The following GRAMD4 variants were observed in gnomAD, a reference collection of about 807,000 sequenced individuals.
GRAMD4 encodes the protein GRAM domain-containing protein 4.
Under a neutral mutation model 83.9 loss-of-function variants are expected in GRAMD4, and 25 were observed. The observed-to-expected ratio is 0.30, with a 90% confidence interval of 0.22 to 0.42. The LOEUF (loss-of-function observed/expected upper bound fraction) is 0.42. Among genes scored for constraint, GRAMD4 ranks in the 10% least tolerant of loss-of-function variants. GRAMD4 has a pLI of 1.00. For synonymous variants in GRAMD4, 336 were observed against 320.9 expected, an observed-to-expected ratio of 1.05 and a Z score of -0.50; for missense variants, 593 against 788.7, an observed-to-expected ratio of 0.75 and a Z score of 2.97.
intron 1 of GRAMD4, among the ~76,000 whole-genome samples, chr22:46,595,297 GA>G (rs2081251004): frequency 6.6e-6 from 1 of 152,212 alleles, no homozygotes; most frequent in Non-Finnish European, 1.5e-5. Flanking sequence ...GGACATGGGG[GA>G]GATTGGCCAC....
intron 1 of GRAMD4, among the ~76,000 whole-genome samples, chr22:46,578,522 T>C (rs1460789294): frequency 6.6e-6 from 1 of 152,132 alleles, no homozygotes; most frequent in Non-Finnish European, 1.5e-5. Context: ...GGGTTGGGGT[T>C]CAAAATGGGT....
chr22:46,680,564 GTCCATCCATCCA>G (rs1299438133), downstream of GRAMD4, among the ~76,000 whole-genome samples: 18 of 22,512 alleles, frequency 8.0e-4, 1 homozygote, highest in Middle Eastern at 0.02. Context: ...CCGTCCGTCC[GTCCATCCATCCA>G]TCCATCCATC....
At chr22:46,620,315 C>T (rs574144290), upstream of GRAMD4, 4,006 of 985,700 alleles carry the variant, frequency 4.1e-3, 13 homozygotes, top group Non-Finnish European at 4.4e-3. The surrounding 1 kb of genome is among the most constrained non-coding windows in gnomAD (Gnocchi z 4.7). Flanking sequence ...CCTGGCCGGG[C>T]GCCGCCCTGA....
chr22:46,660,363 G>A (rs1468695252), intron 4 of GRAMD4, among the ~76,000 whole-genome samples: 3 of 152,142 alleles, frequency 2.0e-5, no homozygotes, highest in African/African-American at 7.2e-5. Flanking sequence ...TGAAGGAAGA[G>A]CAGTCCCAGG....
upstream of GRAMD4, chr22:46,620,238 G>T: frequency 1.1e-6 from 1 of 878,002 alleles, no homozygotes; most frequent in Non-Finnish European, 1.4e-6. The surrounding 1 kb of genome is among the most constrained non-coding windows in gnomAD (Gnocchi z 4.7). Flanking sequence ...GGTTTCCAGA[G>T]CAGCATGCTT....
chr22:46,600,887 T>G (rs1161620600), intron 1 of GRAMD4, among the ~76,000 whole-genome samples: 1 of 152,238 alleles, frequency 6.6e-6, no homozygotes, highest in East Asian at 1.9e-4. Flanking sequence ...GGCTCATGCC[T>G]GTAATCCCAG....
At position 46,679,391 on chromosome 22, in the gene GRAMD4, G is replaced by A; in HGVS notation, c.*2140G>A. 1 of 985,462 alleles carries A rather than the reference G, an allele frequency of 1.0e-6. No homozygotes were observed. Among genetic ancestry groups the A allele is most frequent in the African/African-American group, 1.7e-5 (1 of 57,366 alleles). 61.0% of individuals were successfully genotyped at this position (985,462 alleles called of 1,614,324 possible). ...CCACATTCGGGGAGCGGGGGGTCGG[G>A]GGAGGGCCACCGACTGGCTCTGCTG... On this transcript the variant is annotated 3_prime_UTR_variant, in exon 19 of 19. Transcript: ENST00000406902.
intron 1 of GRAMD4, among the ~76,000 whole-genome samples, chr22:46,626,428 G>A (rs1430450459): frequency 6.6e-6 from 1 of 152,270 alleles, no homozygotes; most frequent in African/African-American, 2.4e-5. Context: ...TGGGAGCCGG[G>A]GGCCTCGCTT....
rs1220002157 is a variant in GRAMD4, at chr22:46,672,553, G to A, written c.1085-290G>A. 6.6e-6 allele frequency among the ~76,000 whole-genome samples: 1 copy of A among 151,720 alleles called. No homozygotes were observed. Among genetic ancestry groups the A allele is most frequent in the East Asian group, 1.9e-4 (1 of 5,164 alleles). On this transcript the variant is annotated intron_variant, in intron 13 of 18. Coordinates refer to ENST00000406902, the MANE Select transcript of GRAMD4 (RefSeq NM_015124.5). The surrounding 1 kb of genome is among the most constrained non-coding windows in gnomAD (Gnocchi z 4.7). ...GGCGGAGTTGGAGAGAGAAGTGAGGGGCATTGGATGGGGGGGTCCTAGCAG... is the reference window on the plus strand; with the variant it reads ...GGCGGAGTTGGAGAGAGAAGTGAGGAGCATTGGATGGGGGGGTCCTAGCAG...
intron 1 of GRAMD4, among the ~76,000 whole-genome samples, chr22:46,623,968 G>A (rs1265642054): frequency 1.3e-5 from 2 of 151,898 alleles, no homozygotes; most frequent in Non-Finnish European, 2.9e-5. Flanking sequence ...TTTAAGCAGA[G>A]ATGGAGGTTC....
rs1191400562 is a variant in GRAMD4, at chr22:46,637,914, G to C, written c.237G>C (p.Glu79Asp). The change falls in exon 3 of 19, where the codon GAG becomes GAC. Residue 79 changes from glutamate to aspartate, a missense_variant. Physicochemically the swap from Glu to Asp is conservative, Grantham distance 45. Around this residue, in one of 4 missense-constraint regions of GRAMD4, gnomAD observed 312 missense variants for 350.7 expected, o/e 0.89. Coordinates refer to ENST00000406902, the MANE Select transcript of GRAMD4 (RefSeq NM_015124.5). ...GGACAGAGTTTGATCGACTGAATGA[G>C]ATCAAAGGTCACCTGGAAATTGCCT... ...FNRTEFDRLN[E>D]IKGHLEIALL... 1.2e-6 allele frequency: 2 copies of C among 1,614,054 alleles called. No homozygotes were observed. The highest frequency in any genetic ancestry group is 3.3e-5 in the Admixed American group (2 of 60,028).
In GRAMD4 at chr22:46,604,548, T is replaced by A. The variant is rs983659511; in HGVS notation, c.-49-22203T>A. ...AACTCCGCACCCACAAAGCACTGAC[T>A]CTCCAGAGCCTCTCCCCACCCCCGA... On this transcript the variant is annotated intron_variant, in intron 1 of 1. Coordinates refer to the GRAMD4 transcript ENST00000431155. Among the ~76,000 whole-genome samples the A allele has an allele frequency of 7.2e-5, 11 of 152,160 alleles. No individual in the cohort carries two copies. In the South Asian group the frequency reaches 2.3e-3, roughly 31 times the overall value.
chr22:46,673,168 T>C (rs2082539659), intron 14 of GRAMD4, among the ~76,000 whole-genome samples, 171 bp downstream of exon 14: 1 of 152,140 alleles, frequency 6.6e-6, no homozygotes, highest in Non-Finnish European at 1.5e-5. Context: ...CTGCGGTTTC[T>C]GAGGCTCATC....
chr22:46,595,143 C>T (rs955989340), intron 1 of GRAMD4, among the ~76,000 whole-genome samples: 1 of 152,048 alleles, frequency 6.6e-6, no homozygotes, highest in Non-Finnish European at 1.5e-5. Context: ...TGGAGACACA[C>T]AGGGTGGGGG....
chr22:46,650,858 G>A (rs567050141), intron 3 of GRAMD4, among the ~76,000 whole-genome samples: 3 of 152,308 alleles, frequency 2.0e-5, no homozygotes, highest in African/African-American at 7.2e-5. Context: ...CCTTGTGAGC[G>A]TCCCTAAACC....
Position 46,604,398 on chromosome 22 carries a change from A to G in GRAMD4, c.-49-22353A>G, listed in dbSNP as rs190490896. Among the ~76,000 whole-genome samples the G allele has an allele frequency of 7.9e-5, 12 of 152,326 alleles. No homozygotes were observed. In the East Asian group the frequency reaches 2.1e-3, roughly 27 times the overall value. On this transcript the variant is annotated intron_variant, in intron 1 of 1. Coordinates refer to the GRAMD4 transcript ENST00000431155. The stretch of plus-strand genomic sequence containing the variant: ...CTCTGTATAAATTGTGGTAAAATAG[A>G]CATAACACAATGTACCGTCTTAACC...
At chr22:46,666,946 G>A (rs1402240950) in intron 10 of GRAMD4, 73 bp downstream of exon 10, 7 of 1,087,130 alleles carry the variant, frequency 6.4e-6, no homozygotes, top group African/African-American at 1.6e-5. Context: ...TGTAGGCACC[G>A]CTCGGGGAAG....
At chr22:46,664,205 A>C in intron 8 of GRAMD4, 88 bp downstream of exon 8, 2 of 951,998 alleles carry the variant, frequency 2.1e-6, no homozygotes, top group African/African-American at 3.2e-5. Context: ...CCAGGGTGGG[A>C]GGTGGCCCCC....
intron 1 of GRAMD4, among the ~76,000 whole-genome samples, chr22:46,578,967 A>G (rs1370059717): frequency 6.6e-6 from 1 of 152,246 alleles, no homozygotes; most frequent in African/African-American, 2.4e-5. Context: ...CTGGGGTCTC[A>G]GTGAGCCACC....
Sources: allele counts gnomAD v4.1 joint callset (sites outside exome capture counted in the v4.1 genomes callset), GRCh38; gene constraint gnomAD v4.1.1; regional missense constraint gnomAD v4.1.1; non-coding constraint Gnocchi (gnomAD v3.1); transcripts MANE v1.5; gene names NCBI Gene and HGNC (gene_info 2026-07-23, HGNC 2026-07-21).